The following NOVA1 variants were observed in gnomAD, a reference collection of about 807,000 sequenced individuals.
The protein encoded by NOVA1 is RNA-binding protein Nova-1.
NOVA1 carries 7 observed loss-of-function variants against 38.0 expected under a neutral mutation model. The ratio of observed to expected loss-of-function variants is 0.18; its 90% CI spans 0.10 to 0.35. The LOEUF (loss-of-function observed/expected upper bound fraction) is 0.35. NOVA1 is among the 10% of genes least tolerant of loss of function. The probability of loss-of-function intolerance (pLI) is 1.00; values close to 1 mark genes in which losing one functional copy is unlikely to be tolerated. For synonymous variants in NOVA1, 270 were observed against 232.5 expected, an observed-to-expected ratio of 1.16 and a Z score of -1.47; for missense variants, 460 against 616.0, an observed-to-expected ratio of 0.75 and a Z score of 2.68.
At chr14:26,575,053 G>T (rs1388476181) in intron 2 of NOVA1, among the ~76,000 whole-genome samples, 1 of 152,088 alleles carries the variant, frequency 6.6e-6, no homozygotes, top group Non-Finnish European at 1.5e-5. Flanking sequence ...CTGCAAACAC[G>T]TACTACTGTT....
Position 26,480,113 on chromosome 14 carries a change from C to G in NOVA1, c.311G>C (p.Gly104Ala). Reference sequence around the variant, plus strand: ...AACTGCATTCAGTGCTTCAACCGTTCCCTGGATCAAGCACACTCGCTCAGT... The same window carrying G: ...AACTGCATTCAGTGCTTCAACCGTTGCCTGGATCAAGCACACTCGCTCAGT... ...GTTERVCLIQ[G>A]TVEALNAVHG... The change falls in exon 3 of 5, where the codon GGA (glycine) becomes GCA (alanine). Residue 104 changes from glycine (G) to alanine (A), a missense_variant. Physicochemically the swap from Gly to Ala is moderately conservative, Grantham distance 60. Coordinates refer to ENST00000539517, the MANE Select transcript of NOVA1 (RefSeq NM_002515.3). 1 of 1,613,726 alleles carries G rather than the reference C, an allele frequency of 6.2e-7. No homozygotes were observed. The highest frequency in any genetic ancestry group is 1.7e-5 in the Admixed American group (1 of 59,960).
At chr14:26,506,482 GTCT>G (rs1315458696) in intron 2 of NOVA1, among the ~76,000 whole-genome samples, 2 of 152,166 alleles carry the variant, frequency 1.3e-5, no homozygotes, top group African/African-American at 2.4e-5. Context: ...TAAAATCATA[GTCT>G]TCTTCTTTCA....
intron 4 of NOVA1, among the ~76,000 whole-genome samples, chr14:26,452,828 A>C (rs1882819287): frequency 6.6e-6 from 1 of 152,218 alleles, no homozygotes; most frequent in Admixed American, 6.5e-5. Context: ...TGAATGGCCC[A>C]AGCCCTGTGT....
chr14:26,538,443 ATAC>A (rs1048251954), intron 2 of NOVA1, among the ~76,000 whole-genome samples: 95 of 152,306 alleles, frequency 6.2e-4, no homozygotes, highest in African/African-American at 2.2e-3. Context: ...TTAAAAAATT[ATAC>A]TACATTTTTA....
Position 26,480,017 on chromosome 14 carries a change from A to C in NOVA1, c.407T>G (p.Leu136Arg). The C allele has an allele frequency of 1.2e-6, 2 of 1,614,068 alleles. No individual in the cohort carries two copies. The highest frequency in any genetic ancestry group is 8.5e-7 in the Non-Finnish European group (1 of 1,179,982). ...NVAKTEPVSI[L>R]QPQTTVNPDR... ...TGGATTAACGGTGGTCTGGGGTTGTAGAATGCTGACTGGTTCTGTCTTGGC... is the reference window on the plus strand; with the variant it reads ...TGGATTAACGGTGGTCTGGGGTTGTCGAATGCTGACTGGTTCTGTCTTGGC... The change falls in exon 3 of 5, where the codon CTA becomes CGA. Residue 136 changes from leucine (L) to arginine (R), a missense_variant. Coordinates refer to ENST00000539517, the MANE Select transcript of NOVA1 (RefSeq NM_002515.3).
chr14:26,547,872 T>C (rs970670413), intron 2 of NOVA1, among the ~76,000 whole-genome samples: 1 of 152,132 alleles, frequency 6.6e-6, no homozygotes, highest in South Asian at 2.1e-4. Context: ...GCTTTGACTA[T>C]TAAATGAAAT....
chr14:26,548,589 C>T (rs1286561059), intron 2 of NOVA1, among the ~76,000 whole-genome samples: 1 of 152,110 alleles, frequency 6.6e-6, no homozygotes, highest in Admixed American at 6.6e-5. Context: ...CATTCCTTAT[C>T]ATGTTGTGTA....
rs1047089918 is a variant in NOVA1 at position 26,579,466 on chromosome 14, A to C, written c.280+15944T>G. On this transcript the variant is annotated intron_variant, in intron 2 of 4. Coordinates refer to ENST00000539517, the MANE Select transcript of NOVA1 (RefSeq NM_002515.3). Reference sequence around the variant, plus strand: ...CACAAAGCAATCTAAGAATCAGTATAATCTTATTAAATTTATTGTCCTCCA... The same window carrying C: ...CACAAAGCAATCTAAGAATCAGTATCATCTTATTAAATTTATTGTCCTCCA... 2.0e-5 allele frequency among the ~76,000 whole-genome samples: 3 copies of C among 152,216 alleles called. No individual in the cohort carries two copies. The East Asian group carries it at 5.8e-4, about 29-fold the overall frequency.
chr14:26,585,534 A>C (rs1324091224), intron 2 of NOVA1, among the ~76,000 whole-genome samples: 1 of 151,356 alleles, frequency 6.6e-6, no homozygotes, highest in Non-Finnish European at 1.5e-5. Flanking sequence ...CTTTAATTTG[A>C]TGGTTAGTAC....
intron 2 of NOVA1, among the ~76,000 whole-genome samples, chr14:26,523,598 T>C (rs915665906): frequency 3.3e-5 from 5 of 152,190 alleles, no homozygotes; most frequent in African/African-American, 4.8e-5. Flanking sequence ...TCAACTGCCA[T>C]TGTAATGTAA....
At chr14:26,490,202 C>T (rs370849470) in intron 2 of NOVA1, among the ~76,000 whole-genome samples, 7 of 152,276 alleles carry the variant, frequency 4.6e-5, no homozygotes, top group African/African-American at 9.6e-5. Flanking sequence ...CTTATTACAG[C>T]GTAACAATAT....
chr14:26,530,471 T>C (rs1430628285), intron 2 of NOVA1, among the ~76,000 whole-genome samples: 3 of 152,138 alleles, frequency 2.0e-5, no homozygotes, highest in African/African-American at 4.8e-5. Flanking sequence ...TGCCTATATA[T>C]AAATAAATAT....
intron 3 of NOVA1, among the ~76,000 whole-genome samples, chr14:26,476,326 T>G (rs930331402): frequency 1.3e-5 from 2 of 152,164 alleles, no homozygotes; most frequent in Non-Finnish European, 2.9e-5. Context: ...CTTCTTTTTT[T>G]TCCCCCCCAA....
At chr14:26,465,604 A>T (rs1884048499) in intron 4 of NOVA1, among the ~76,000 whole-genome samples, 1 of 152,202 alleles carries the variant, frequency 6.6e-6, no homozygotes, top group African/African-American at 2.4e-5. Context: ...ATGTTCTTTT[A>T]GCTTAATCTC....
At chr14:26,483,609 T>G (rs1885635836) in intron 2 of NOVA1, among the ~76,000 whole-genome samples, 1 of 152,190 alleles carries the variant, frequency 6.6e-6, no homozygotes. Flanking sequence ...ATTATATGCT[T>G]CTTGATGTGA....
At chr14:26,471,552 A>C (rs1884593560) in intron 4 of NOVA1, among the ~76,000 whole-genome samples, 3 of 151,922 alleles carry the variant, frequency 2.0e-5, no homozygotes, top group Admixed American at 2.0e-4. Flanking sequence ...TAAATATATT[A>C]TTCAACATTG....
chr14:26,522,221 T>C (rs1888951355), intron 2 of NOVA1, among the ~76,000 whole-genome samples: 1 of 152,092 alleles, frequency 6.6e-6, no homozygotes, highest in Non-Finnish European at 1.5e-5. Flanking sequence ...GTAATCACTG[T>C]CAATTGAAGA....
At chr14:26,491,247 C>G (rs1019611419) in intron 2 of NOVA1, among the ~76,000 whole-genome samples, 3 of 152,012 alleles carry the variant, frequency 2.0e-5, no homozygotes, top group South Asian at 4.1e-4. Context: ...CTCAAGTGAT[C>G]CCACTGCCTT....
At chr14:26,537,029 ACTTTATGTTTCAGAATTTAT>A (rs1890147990) in intron 2 of NOVA1, among the ~76,000 whole-genome samples, 1 of 152,112 alleles carries the variant, frequency 6.6e-6, no homozygotes, top group Admixed American at 6.5e-5. Context: ...GAAATCCACT[ACTTTATGTTTCAGAATTTAT>A]CATAATGGAG....
Sources: gnomAD v4.1 joint callset for allele counts (sites outside exome capture counted in the v4.1 genomes callset) on GRCh38, gnomAD v4.1.1 for gene constraint, MANE v1.5 for transcripts, NCBI Gene and HGNC (gene_info 2026-07-23, HGNC 2026-07-21) for gene names.